NAA25: variants seen among roughly 807,000 people sequenced by gnomAD.
NAA25 encodes N-terminal acetyltransferase B complex subunit NAA25.
In NAA25, 30 loss-of-function variants were observed where a neutral mutation model predicts 132.5. The ratio of observed to expected loss-of-function variants is 0.23; its 90% CI spans 0.17 to 0.31. NAA25 has a LOEUF of 0.31. Ranked by LOEUF, NAA25 falls within the 10% of genes least tolerant of loss-of-function variation. The pLI, the probability that NAA25 is intolerant of heterozygous loss-of-function variation, is 1.00. For missense variants in NAA25, 771 were observed against 1,150.4 expected (o/e 0.67, Z 4.77); for synonymous variants, 359 against 401.9 (o/e 0.89, Z 1.28).
intron 12 of NAA25, 104 bp downstream of exon 12, chr12:112,061,077 C>T: frequency 2.4e-6 from 2 of 849,940 alleles, no homozygotes; most frequent in Admixed American, 4.5e-5. Flanking sequence ...AAATAGTCTC[C>T]TTACAAAACT....
Position 112,042,049 on chromosome 12 carries a change from G to T in NAA25, c.2430C>A (p.Asp810Glu). ...AGTAGGAAAACTTACCTTTTAACTG[G>T]TCTAGTAAAGACTTAAAACTATTTT... ...RIENSFKSLL[D>E]QLKDVFSKCK... Residue 810 changes from aspartate (D) to glutamate (E), a missense_variant, in exon 20 of 24, where the codon GAC (aspartate) becomes GAA (glutamate). Physicochemically the swap from Asp to Glu is conservative, Grantham distance 45. Around this residue, in one of 3 missense-constraint regions of NAA25, gnomAD observed 324 missense variants for 400.0 expected, o/e 0.81. Coordinates refer to ENST00000261745, the MANE Select transcript of NAA25 (RefSeq NM_024953.4). 1 of 1,480,706 alleles carries T rather than the reference G, an allele frequency of 6.8e-7. No individual in the cohort carries two copies. Among genetic ancestry groups the T allele is most frequent in the Non-Finnish European group, 9.0e-7 (1 of 1,114,118 alleles). The allele number at this position is 1,480,706 out of a possible 1,614,324, so 91.7% of individuals were successfully genotyped here.
chr12:112,079,848 T>C (rs1472118466), intron 5 of NAA25, among the ~76,000 whole-genome samples: 1 of 152,248 alleles, frequency 6.6e-6, no homozygotes, highest in East Asian at 1.9e-4. Flanking sequence ...TCAGCAATAT[T>C]GTCTTAAAAG....
At chr12:112,098,962 C>G (rs2079253873) in intron 1 of NAA25, among the ~76,000 whole-genome samples, 1 of 151,968 alleles carries the variant, frequency 6.6e-6, no homozygotes, top group African/African-American at 2.4e-5. Flanking sequence ...TTGGTGCTAG[C>G]CTACTATTTC....
intron 17 of NAA25, among the ~76,000 whole-genome samples, chr12:112,045,597 T>C (rs745501692): frequency 1.3e-5 from 2 of 150,898 alleles, no homozygotes; most frequent in African/African-American, 4.9e-5. Context: ...GAGTTTGAGA[T>C]CAGCCTGGCC....
intron 11 of NAA25, among the ~76,000 whole-genome samples, chr12:112,063,625 T>C (rs2078670369): frequency 6.6e-6 from 1 of 152,094 alleles, no homozygotes; most frequent in Non-Finnish European, 1.5e-5. Context: ...AAGAGAAGGG[T>C]AGAGAGAACA....
chr12:112,058,662 C>T (rs575901553), intron 13 of NAA25, among the ~76,000 whole-genome samples: 1 of 152,242 alleles, frequency 6.6e-6, no homozygotes, highest in African/African-American at 2.4e-5. Flanking sequence ...CAGTGGCTCA[C>T]GCCTGAATCC....
At chr12:112,107,945 G>C (rs2079388070) in intron 1 of NAA25, among the ~76,000 whole-genome samples, 2 of 152,306 alleles carry the variant, frequency 1.3e-5, no homozygotes. Context: ...GCGGGTTGAG[G>C]TAAGAGTTGT....
chr12:112,078,606 A>G (rs1264434248), intron 6 of NAA25, 28 bp downstream of exon 6: 2 of 1,575,790 alleles, frequency 1.3e-6, no homozygotes, highest in African/African-American at 2.7e-5. Flanking sequence ...AAAAATGAAA[A>G]CACAAAAGTA....
chr12:112,058,098 G>A (rs890936148), intron 13 of NAA25, among the ~76,000 whole-genome samples: 3 of 151,926 alleles, frequency 2.0e-5, no homozygotes, highest in Non-Finnish European at 4.4e-5. Context: ...AGTGAGCCAC[G>A]ATTGTGCCAT....
intron 9 of NAA25, 50 bp from the exon 10 acceptor site, chr12:112,072,114 C>T: frequency 6.6e-7 from 1 of 1,504,042 alleles, no homozygotes. Context: ...ATTGTCCTTC[C>T]CGAAGCTTAA....
chr12:112,056,591 A>G (rs2078550101), intron 13 of NAA25, among the ~76,000 whole-genome samples: 1 of 152,118 alleles, frequency 6.6e-6, no homozygotes, highest in African/African-American at 2.4e-5. Context: ...GAGAGCACCA[A>G]CTTCCTAAAA....
At position 112,029,008 on chromosome 12, in the gene NAA25, C is replaced by G. The variant is rs2078116306; in HGVS notation, c.*523G>C. 7 of 155,948 alleles carry G rather than the reference C, an allele frequency of 4.5e-5. No individual in the cohort carries two copies. Among genetic ancestry groups the G allele is most frequent in the Admixed American group, 4.4e-4 (7 of 15,954 alleles). The allele number at this position is 155,948 out of a possible 1,614,324, so 9.7% of individuals were successfully genotyped here. ...CATCTAAGGTCCTTTGTGTACCTGC[C>G]TTGGGTTCTGTGGGAGCCAAGTAGC... On this transcript the variant is annotated 3_prime_UTR_variant, in exon 24 of 24. Coordinates refer to ENST00000261745, the MANE Select transcript of NAA25 (RefSeq NM_024953.4).
chr12:112,073,153 T>G (rs1280209659), intron 9 of NAA25, among the ~76,000 whole-genome samples: 4 of 151,592 alleles, frequency 2.6e-5, no homozygotes, highest in African/African-American at 9.7e-5. Context: ...AAGGATCACT[T>G]GAGCCCAGGA....
intron 1 of NAA25, among the ~76,000 whole-genome samples, chr12:112,105,873 T>C (rs149016152): frequency 1.3e-5 from 2 of 152,300 alleles, no homozygotes; most frequent in East Asian, 1.9e-4. Context: ...ACCTACCTAA[T>C]AGGGCAGTCA....
chr12:112,104,289 T>C (rs1015295354), intron 1 of NAA25, among the ~76,000 whole-genome samples: 4 of 152,220 alleles, frequency 2.6e-5, no homozygotes, highest in African/African-American at 9.6e-5. Context: ...ATTTCTATTA[T>C]GCAATTTGCT....
At chr12:112,073,833 G>T (rs975009151) in intron 9 of NAA25, among the ~76,000 whole-genome samples, 2 of 151,824 alleles carry the variant, frequency 1.3e-5, no homozygotes, top group Non-Finnish European at 2.9e-5. Flanking sequence ...GAAAAAAAAA[G>T]AGATCTTCAA....
At chr12:112,086,354 G>C (rs2079056762) in intron 4 of NAA25, among the ~76,000 whole-genome samples, 6 of 151,540 alleles carry the variant, frequency 4.0e-5, no homozygotes, top group Middle Eastern at 6.8e-3. Flanking sequence ...AAATTAGCCA[G>C]GTATGGTGGT....
intron 6 of NAA25, 125 bp from the exon 7 acceptor site, chr12:112,078,391 C>A: frequency 1.3e-6 from 1 of 743,694 alleles, no homozygotes; most frequent in South Asian, 1.8e-5. Context: ...ACTGACAGTA[C>A]GAAGCAGGTA....
chr12:112,079,259 T>A (rs2078936683), intron 5 of NAA25, among the ~76,000 whole-genome samples: 1 of 152,158 alleles, frequency 6.6e-6, no homozygotes, highest in South Asian at 2.1e-4. Flanking sequence ...AAACAACCTT[T>A]CAAGGTAGAT....
Sources: allele counts gnomAD v4.1 joint callset (sites outside exome capture counted in the v4.1 genomes callset), GRCh38; gene constraint gnomAD v4.1.1; regional missense constraint gnomAD v4.1.1; transcripts MANE v1.5; gene names NCBI Gene and HGNC (gene_info 2026-07-23, HGNC 2026-07-21).